VIPAS39: variants seen among roughly 807,000 people sequenced by gnomAD.
VIPAS39 encodes VPS33B interacting protein, apical-basolateral polarity regulator, spe-39 homolog, also known as spermatogenesis-defective protein 39 homolog.
In VIPAS39, 63 loss-of-function variants were observed where a neutral mutation model predicts 84.7. That is an observed-to-expected ratio of 0.74 (90% confidence interval 0.61 to 0.92). The LOEUF (loss-of-function observed/expected upper bound fraction) is 0.92. VIPAS39 is among the 40% of genes least tolerant of loss of function. VIPAS39 has a pLI of 0.00. For synonymous variants in VIPAS39, 192 were observed against 216.5 expected, an observed-to-expected ratio of 0.89 and a Z score of 0.99; for missense variants, 499 against 604.5, an observed-to-expected ratio of 0.83 and a Z score of 1.83.
At chr14:77,455,820 C>T (rs2078952183) in intron 1 of VIPAS39, among the ~76,000 whole-genome samples, 1 of 152,184 alleles carries the variant, frequency 6.6e-6, no homozygotes, top group South Asian at 2.1e-4. Flanking sequence ...TATCTGGTCC[C>T]TTCTCACGGC....
chr14:77,451,398 C>G, intron 3 of VIPAS39, 65 bp from the exon 4 acceptor site: 1 of 1,612,484 alleles, frequency 6.2e-7, no homozygotes, highest in Non-Finnish European at 8.5e-7. Flanking sequence ...ATCCAACATT[C>G]AATAAACTCT....
At chr14:77,451,095 T>C in intron 4 of VIPAS39, 92 bp downstream of exon 4, 2 of 1,583,256 alleles carry the variant, frequency 1.3e-6, no homozygotes, top group Non-Finnish European at 1.7e-6. Flanking sequence ...CCTTCAATAA[T>C]CTTTTTCTTA....
At chr14:77,432,871 G>A (rs1289598880) in intron 16 of VIPAS39, among the ~76,000 whole-genome samples, 9 of 152,178 alleles carry the variant, frequency 5.9e-5, no homozygotes, top group African/African-American at 2.2e-4. Flanking sequence ...TGCTAAGAGA[G>A]TGAATTTTAG....
chr14:77,457,348 G>C lies in VIPAS39; in HGVS notation c.-1+147C>G, dbSNP rs527752392. 16 of 1,535,672 alleles carry C rather than the reference G, an allele frequency of 1.0e-5. No individual in the cohort carries two copies. In the African/African-American group the frequency reaches 2.1e-4, roughly 20 times the overall value. On this transcript the variant is annotated intron_variant, in intron 1 of 19. Transcript: ENST00000557658. Reference sequence around the variant, plus strand: ...GCCCCAGTCCCAAGCGTACTCCAGCGCCCAAGGGTCGCCCTGACTGAAAGA... The same window carrying C: ...GCCCCAGTCCCAAGCGTACTCCAGCCCCCAAGGGTCGCCCTGACTGAAAGA...
chr14:77,440,764 G>C (rs901359652), intron 11 of VIPAS39, among the ~76,000 whole-genome samples: 1 of 152,174 alleles, frequency 6.6e-6, no homozygotes, highest in Admixed American at 6.5e-5. Flanking sequence ...TGTTGCCCAG[G>C]CTGGAGTGCA....
In VIPAS39 at chr14:77,426,838, C is replaced by T. The variant is rs765450500; in HGVS notation, c.*778G>A. On this transcript the variant is annotated 3_prime_UTR_variant, in exon 20 of 20. Transcript: ENST00000557658. ...AACAGAAATGCTGCTGAATTTAGCC[C>T]AGGTGAAACTTCTGAAAGCTCCTGG... 4 of 152,178 alleles carry T rather than the reference C, an allele frequency of 2.6e-5. No individual in the cohort carries two copies. Among genetic ancestry groups the T allele is most frequent in the Non-Finnish European group, 4.4e-5 (3 of 68,060 alleles). The allele number at this position is 152,178 out of a possible 1,614,324, so 9.4% of individuals were successfully genotyped here. A position where few individuals can be genotyped will look rare whatever the true frequency, so the allele number is the denominator to read the frequency against.
intron 11 of VIPAS39, among the ~76,000 whole-genome samples, chr14:77,439,742 C>G (rs1194477785): frequency 6.6e-6 from 1 of 151,720 alleles, no homozygotes; most frequent in Non-Finnish European, 1.5e-5. Context: ...TGATCACGCA[C>G]CACTGTACTC....
rs1384713902 is a variant in VIPAS39, at chr14:77,449,357, G to A, written c.383C>T (p.Ala128Val). ...RPGSFQSLSD[A>V]LSDTPAKSYA... Reference sequence around the variant, plus strand: ...GCTTTTGGCAGGTGTGTCTGACAGAGCTGAAAAAGAATAAGCAGCTGGTTC... The same window carrying A: ...GCTTTTGGCAGGTGTGTCTGACAGAACTGAAAAAGAATAAGCAGCTGGTTC... Residue 128 changes from alanine (A) to valine (V), a missense_variant and splice_region_variant, in exon 6 of 20, where the codon GCT becomes GTT. By Grantham distance (64) the Ala-to-Val change is moderately conservative. Coordinates refer to ENST00000557658, the MANE Select transcript of VIPAS39 (RefSeq NM_001193315.2). The A allele has an allele frequency of 6.2e-7, 1 of 1,614,072 alleles. No homozygotes were observed. The highest frequency in any genetic ancestry group is 1.3e-5 in the African/African-American group (1 of 74,928).
intron 1 of VIPAS39, 84 bp from the exon 2 acceptor site, chr14:77,454,186 A>C: frequency 5.7e-6 from 7 of 1,226,146 alleles, no homozygotes; most frequent in Non-Finnish European, 8.4e-6. Context: ...TGCACCACTA[A>C]CTGATCCCAA....
intron 1 of VIPAS39, among the ~76,000 whole-genome samples, chr14:77,456,787 C>G (rs867293953): frequency 3.3e-5 from 5 of 152,172 alleles, no homozygotes; most frequent in Non-Finnish European, 5.9e-5. Context: ...CAGTAGACAA[C>G]TGCCATCAAT....
intron 1 of VIPAS39, among the ~76,000 whole-genome samples, chr14:77,454,881 T>C (rs1296548564): frequency 6.6e-6 from 1 of 152,156 alleles, no homozygotes; most frequent in Non-Finnish European, 1.5e-5. Flanking sequence ...AAATACTTAT[T>C]GAGCACCATC....
chr14:77,442,967 A>G, intron 9 of VIPAS39, 152 bp downstream of exon 9: 1 of 1,022,790 alleles, frequency 9.8e-7, no homozygotes, highest in Non-Finnish European at 1.5e-6. Context: ...ACGCCCTCAG[A>G]GATGTGATTT....
At chr14:77,450,711 T>C (rs577643351) in intron 4 of VIPAS39, among the ~76,000 whole-genome samples, 1 of 152,208 alleles carries the variant, frequency 6.6e-6, no homozygotes, top group Non-Finnish European at 1.5e-5. Context: ...GGTTTCACCA[T>C]ATTGGTAGGC....
At chr14:77,449,566 T>A in intron 5 of VIPAS39, 148 bp downstream of exon 5, 1 of 1,275,390 alleles carries the variant, frequency 7.8e-7, no homozygotes, top group East Asian at 2.3e-5. Context: ...ACCTCCTTAG[T>A]CAGTATCAGA....
intron 4 of VIPAS39, among the ~76,000 whole-genome samples, chr14:77,450,047 T>A (rs1016658654): frequency 2.6e-5 from 4 of 152,134 alleles, no homozygotes; most frequent in African/African-American, 7.2e-5. Context: ...ATCACCACTA[T>A]CCATCTCCAG....
chr14:77,454,194 C>G, intron 1 of VIPAS39, 92 bp from the exon 2 acceptor site: 1 of 1,169,670 alleles, frequency 8.5e-7, no homozygotes, highest in Non-Finnish European at 1.3e-6. Flanking sequence ...TAACTGATCC[C>G]AAAAATCAAG....
chr14:77,432,702 G>A (rs2139756459), intron 16 of VIPAS39, among the ~76,000 whole-genome samples: 1 of 152,222 alleles, frequency 6.6e-6, no homozygotes, highest in East Asian at 1.9e-4. Flanking sequence ...CACTCATGTA[G>A]GATCTAAAAA....
chr14:77,452,096 G>A (rs2078891216), intron 3 of VIPAS39, among the ~76,000 whole-genome samples: 1 of 151,742 alleles, frequency 6.6e-6, no homozygotes, highest in Admixed American at 6.6e-5. Flanking sequence ...AAAAAATGAT[G>A]GTAAACCCAT....
intron 1 of VIPAS39, among the ~76,000 whole-genome samples, chr14:77,455,215 G>T (rs908880058): frequency 1.3e-5 from 2 of 152,140 alleles, no homozygotes; most frequent in Non-Finnish European, 2.9e-5. Flanking sequence ...GGGCACAGTG[G>T]CTCATATCTG....
Sources: allele counts gnomAD v4.1 joint callset (sites outside exome capture counted in the v4.1 genomes callset), GRCh38; gene constraint gnomAD v4.1.1; transcripts MANE v1.5; gene names NCBI Gene and HGNC (gene_info 2026-07-23, HGNC 2026-07-21).